The following LSAMP variants were observed in gnomAD, a reference collection of about 807,000 sequenced individuals.
LSAMP encodes limbic system-associated membrane protein.
A neutral mutation model predicts 38.6 loss-of-function variants in LSAMP; 7 were observed. The observed-to-expected ratio is 0.18, with a 90% CI of 0.10 to 0.34. The LOEUF (loss-of-function observed/expected upper bound fraction) is 0.34. Ranked by LOEUF, LSAMP falls within the 10% of genes least tolerant of loss-of-function variation. The probability of loss-of-function intolerance (pLI) is 1.00; values close to 1 mark genes in which losing one functional copy is unlikely to be tolerated. For missense variants in LSAMP, 313 were observed against 420.0 expected (o/e 0.75, Z 2.23); for synonymous variants, 154 against 166.8 (o/e 0.92, Z 0.59).
chr3:116,374,031 T>C (rs1219960207), intron 1 of LSAMP, among the ~76,000 whole-genome samples: 1 of 151,888 alleles, frequency 6.6e-6, no homozygotes, highest in East Asian at 1.9e-4. Context: ...CTCTTCAGGG[T>C]CCTCCATGTA....
At chr3:115,960,606 C>T (rs1938594274) in intron 3 of LSAMP, among the ~76,000 whole-genome samples, 1 of 152,146 alleles carries the variant, frequency 6.6e-6, no homozygotes, top group Non-Finnish European at 1.5e-5. Context: ...CTGATGCTCC[C>T]CACCACTGCT....
intron 1 of LSAMP, among the ~76,000 whole-genome samples, chr3:116,373,372 T>C (rs2107793862): frequency 6.6e-6 from 1 of 151,362 alleles, no homozygotes. Flanking sequence ...GTATATAGAG[T>C]ACTCATACTC....
intron 1 of LSAMP, among the ~76,000 whole-genome samples, chr3:116,244,293 C>A (rs1175083174): frequency 1.3e-5 from 2 of 152,256 alleles, no homozygotes; most frequent in African/African-American, 2.4e-5. Flanking sequence ...TTTTCAATGA[C>A]AATACCACTT....
At chr3:115,897,749 G>A (rs989214483) in intron 3 of LSAMP, among the ~76,000 whole-genome samples, 5 of 152,030 alleles carry the variant, frequency 3.3e-5, no homozygotes, top group African/African-American at 1.2e-4. Context: ...AAGAGTGTCT[G>A]GACTTTCTTT....
chr3:115,831,594 C>A (rs935089645), intron 6 of LSAMP, among the ~76,000 whole-genome samples: 9 of 152,104 alleles, frequency 5.9e-5, no homozygotes, highest in Non-Finnish European at 2.9e-5. Context: ...TACCCAGAAA[C>A]CTCAGGAAAC....
chr3:115,832,439 G>T (rs1443317966), intron 6 of LSAMP, among the ~76,000 whole-genome samples: 1 of 152,160 alleles, frequency 6.6e-6, no homozygotes, highest in Non-Finnish European at 1.5e-5. Context: ...AAGATACCTT[G>T]CATTATAGCT....
intron 3 of LSAMP, among the ~76,000 whole-genome samples, chr3:115,928,496 T>C (rs1430364011): frequency 3.9e-5 from 6 of 152,216 alleles, no homozygotes; most frequent in Non-Finnish European, 8.8e-5. Context: ...AAAATGTAAA[T>C]GTGAGAAACA....
At chr3:116,358,856 C>T (rs1392999128) in intron 1 of LSAMP, among the ~76,000 whole-genome samples, 1 of 152,018 alleles carries the variant, frequency 6.6e-6, no homozygotes, top group Non-Finnish European at 1.5e-5. Flanking sequence ...ATAGAACAAA[C>T]ATGTATTTGG....
chr3:116,146,993 G>T (rs1217923687), intron 1 of LSAMP, among the ~76,000 whole-genome samples: 1 of 151,800 alleles, frequency 6.6e-6, no homozygotes, highest in African/African-American at 2.4e-5. Context: ...CAAACTGGGG[G>T]TCCCAGGATT....
rs1196774704 is a variant in LSAMP at position 116,030,561 on chromosome 3, T to G, written c.389-10921A>C. 9.2e-5 allele frequency among the ~76,000 whole-genome samples: 14 copies of G among 152,224 alleles called. No individual in the cohort carries two copies. In the East Asian group the frequency reaches 2.7e-3, roughly 29 times the overall value. On this transcript the variant is annotated intron_variant, in intron 2 of 6. Coordinates refer to ENST00000490035, the MANE Select transcript of LSAMP (RefSeq NM_002338.5). ...CTATCTTTCCTTTACCTAGGCAAAA[T>G]AACTTTTATGTTTCTGGTACTAACA...
intron 4 of LSAMP, among the ~76,000 whole-genome samples, chr3:115,844,769 G>A (rs983282549): frequency 1.3e-5 from 2 of 152,164 alleles, no homozygotes; most frequent in African/African-American, 4.8e-5. Context: ...TTGAGGTCAG[G>A]AGTTTGAGAC....
chr3:115,853,860 A>C (rs1226480053), intron 3 of LSAMP, among the ~76,000 whole-genome samples: 1 of 152,198 alleles, frequency 6.6e-6, no homozygotes, highest in Non-Finnish European at 1.5e-5. Context: ...GTCATTCTCT[A>C]CTAAATGGTA....
intron 3 of LSAMP, among the ~76,000 whole-genome samples, chr3:116,018,231 A>C (rs754530179): frequency 6.6e-6 from 1 of 152,150 alleles, no homozygotes; most frequent in Non-Finnish European, 1.5e-5. Flanking sequence ...CTTTAATAAG[A>C]ATACCCGCCT....
intron 3 of LSAMP, among the ~76,000 whole-genome samples, chr3:115,969,676 C>A (rs1349286835): frequency 6.6e-6 from 1 of 152,162 alleles, no homozygotes; most frequent in Non-Finnish European, 1.5e-5. Flanking sequence ...ACATTTTACT[C>A]AGTGTTTTAT....
At chr3:116,313,780 C>A (rs772239092) in intron 1 of LSAMP, among the ~76,000 whole-genome samples, 1 of 152,132 alleles carries the variant, frequency 6.6e-6, no homozygotes, top group East Asian at 1.9e-4. Context: ...ATGGTGAAAC[C>A]CTGTCTGTAC....
chr3:116,209,366 C>T (rs1021312590), intron 1 of LSAMP, among the ~76,000 whole-genome samples: 1 of 152,236 alleles, frequency 6.6e-6, no homozygotes, highest in African/African-American at 2.4e-5. Flanking sequence ...TCTTCTGCTT[C>T]GCTCACGCTG....
intron 1 of LSAMP, among the ~76,000 whole-genome samples, chr3:116,287,997 C>T (rs937191294): frequency 2.0e-5 from 3 of 152,158 alleles, no homozygotes; most frequent in African/African-American, 7.2e-5. Flanking sequence ...ACAGAGAGTG[C>T]TGCCTCTATA....
At chr3:116,201,068 G>A (rs2045981547) in intron 1 of LSAMP, among the ~76,000 whole-genome samples, 1 of 152,236 alleles carries the variant, frequency 6.6e-6, no homozygotes, top group South Asian at 2.1e-4. Context: ...GTTTGGAAAT[G>A]AGAGCAGAGA....
chr3:116,285,539 A>AT (rs34566307), intron 1 of LSAMP, among the ~76,000 whole-genome samples: 24,075 of 148,404 alleles, frequency 0.16, 3,354 homozygotes, highest in African/African-American at 0.38. Context: ...AGAAATGTGT[A>AT]TTTTTTTTTT....
Sources: gnomAD v4.1 joint callset for allele counts (sites outside exome capture counted in the v4.1 genomes callset) on GRCh38, gnomAD v4.1.1 for gene constraint, MANE v1.5 for transcripts, NCBI Gene and HGNC (gene_info 2026-07-23, HGNC 2026-07-21) for gene names.